The following MTHFD1L variants were observed in gnomAD, a reference collection of about 807,000 sequenced individuals.
MTHFD1L encodes the protein monofunctional C1-tetrahydrofolate synthase, mitochondrial.
Under a neutral mutation model 119.5 loss-of-function variants are expected in MTHFD1L, and 81 were observed. The observed-to-expected ratio is 0.68, with a 90% CI of 0.57 to 0.82. The LOEUF (loss-of-function observed/expected upper bound fraction) is 0.82, where lower values mean the gene tolerates loss of function less well. MTHFD1L is among the 40% of genes least tolerant of loss of function. MTHFD1L has a pLI of 0.00. For synonymous variants in MTHFD1L, 430 were observed against 475.2 expected, an observed-to-expected ratio of 0.90 and a Z score of 1.24; for missense variants, 1,125 against 1,253.4, an observed-to-expected ratio of 0.90 and a Z score of 1.55.
intron 26 of MTHFD1L, among the ~76,000 whole-genome samples, chr6:151,066,437 CAAAAAAAAAAAAA>C (rs35065800): frequency 9.9e-5 from 5 of 50,686 alleles, no homozygotes; most frequent in African/African-American, 3.0e-4. Flanking sequence ...GACTCCATCT[CAAAAAAAAAAAAA>C]AAAAAAAAAA....
chr6:150,867,314 C>A (rs1474398935), intron 1 of MTHFD1L, among the ~76,000 whole-genome samples: 1 of 152,176 alleles, frequency 6.6e-6, no homozygotes, highest in Non-Finnish European at 1.5e-5. Context: ...GCCTTAGCCT[C>A]CAGTGTAACT....
intron 26 of MTHFD1L, among the ~76,000 whole-genome samples, chr6:151,083,398 A>G (rs1793413995): frequency 6.6e-6 from 1 of 152,088 alleles, no homozygotes; most frequent in Admixed American, 6.6e-5. Context: ...GAGTTTCACC[A>G]TGTTGGCCAG....
At position 151,013,061 on chromosome 6, in the gene MTHFD1L, A is replaced by G. The variant is rs367856744; in HGVS notation, c.2266-718A>G. Among the ~76,000 whole-genome samples the G allele has an allele frequency of 1.2e-4, 19 of 152,336 alleles. 2 individuals are homozygous for G. In the East Asian group the frequency reaches 1.7e-3, roughly 14 times the overall value. ...TGTTTGAACAAATACTGGACACCCT[A>G]TGGCCCCAGCAAAGTTGACACATAA... On this transcript the variant is annotated intron_variant, in intron 21 of 27. Transcript: ENST00000367321.
chr6:151,093,863 G>C (rs1794668282), intron 27 of MTHFD1L, among the ~76,000 whole-genome samples: 1 of 152,158 alleles, frequency 6.6e-6, no homozygotes. Flanking sequence ...GCAGAAAGTA[G>C]GCCACTTGAT....
intron 7 of MTHFD1L, among the ~76,000 whole-genome samples, chr6:150,895,894 T>C (rs941620969): frequency 2.0e-5 from 3 of 152,174 alleles, no homozygotes; most frequent in Non-Finnish European, 2.9e-5. Flanking sequence ...AGTAATGTGC[T>C]ATGGTGACAG....
chr6:151,088,042 G>C (rs1428367605), intron 26 of MTHFD1L: 1 of 152,190 alleles, frequency 6.6e-6, no homozygotes, highest in African/African-American at 2.4e-5. Context: ...CCCAACGGCT[G>C]TCTGGGCTCC....
intron 9 of MTHFD1L, among the ~76,000 whole-genome samples, chr6:150,920,515 A>G (rs944952061): frequency 6.6e-6 from 1 of 152,168 alleles, no homozygotes; most frequent in Non-Finnish European, 1.5e-5. Flanking sequence ...TTTCCATCAA[A>G]GCCAAATTTT....
At chr6:150,930,809 A>G (rs1171522977) in intron 11 of MTHFD1L, among the ~76,000 whole-genome samples, 2 of 152,166 alleles carry the variant, frequency 1.3e-5, no homozygotes, top group Non-Finnish European at 2.9e-5. Context: ...TAAATCTTCT[A>G]TTATTAATAA....
intron 26 of MTHFD1L, among the ~76,000 whole-genome samples, chr6:151,078,724 G>T (rs889705460): frequency 6.6e-6 from 1 of 152,076 alleles, no homozygotes; most frequent in African/African-American, 2.4e-5. Flanking sequence ...GCCAGCAGGG[G>T]GGATGGGTTT....
chr6:151,066,853 G>A (rs530936447), intron 26 of MTHFD1L, among the ~76,000 whole-genome samples: 6 of 152,130 alleles, frequency 3.9e-5, no homozygotes, highest in Admixed American at 6.5e-5. Context: ...TCCCAACCTG[G>A]GTCCTGTCAA....
chr6:151,020,513 A>G (rs1005697813), intron 24 of MTHFD1L, among the ~76,000 whole-genome samples: 9 of 152,216 alleles, frequency 5.9e-5, no homozygotes, highest in Non-Finnish European at 4.4e-5. Flanking sequence ...TGCCAGAGTA[A>G]CTTCTAACTC....
In MTHFD1L at chr6:151,014,916, C is replaced by A; in HGVS notation, c.2344C>A (p.Gln782Lys). Residue 782 changes from glutamine (Q) to lysine (K), a missense_variant, in exon 23 of 28, where the codon CAG becomes AAG. Coordinates refer to ENST00000367321, the MANE Select transcript of MTHFD1L (RefSeq NM_015440.5). ...QLVADGCCNL[Q>K]KQIQITQLFG... ...GGTGGCAGACGGCTGCTGTAACCTC[C>A]AGAAGCAAATTCAGATCACTCAGCT... The A allele has an allele frequency of 6.2e-7, 1 of 1,614,132 alleles. No homozygotes were observed. The highest frequency in any genetic ancestry group is 1.3e-5 in the African/African-American group (1 of 75,030).
rs534223671 is a variant in MTHFD1L at position 150,925,465 on chromosome 6, C to T, written c.1083-657C>T. Among the ~76,000 whole-genome samples the T allele has an allele frequency of 6.6e-5, 10 of 152,220 alleles. No individual in the cohort carries two copies. The East Asian group carries it at 1.4e-3, about 21-fold the overall frequency. On this transcript the variant is annotated intron_variant, in intron 10 of 27. Coordinates refer to ENST00000367321, the MANE Select transcript of MTHFD1L (RefSeq NM_015440.5). Reference sequence around the variant, plus strand: ...CCAGTAAAATAGAAGAGTTCAGTTACGTGCCCAATGACTCTCTGGAGTTCC... The same window carrying T: ...CCAGTAAAATAGAAGAGTTCAGTTATGTGCCCAATGACTCTCTGGAGTTCC...
intron 15 of MTHFD1L, among the ~76,000 whole-genome samples, chr6:150,948,128 C>G (rs969917749): frequency 6.6e-6 from 1 of 151,898 alleles, no homozygotes; most frequent in African/African-American, 2.4e-5. Context: ...CTGCCTCAGC[C>G]TCCCAAGTAG....
chr6:150,883,257 T>A (rs926516564), intron 5 of MTHFD1L, among the ~76,000 whole-genome samples: 1 of 152,146 alleles, frequency 6.6e-6, no homozygotes, highest in African/African-American at 2.4e-5. Flanking sequence ...GGTGTCTATC[T>A]CCTGACCTTG....
At chr6:150,964,334 C>T (rs1796889383) in intron 18 of MTHFD1L, among the ~76,000 whole-genome samples, 1 of 152,126 alleles carries the variant, frequency 6.6e-6, no homozygotes, top group South Asian at 2.1e-4. Flanking sequence ...GGAACTCAAC[C>T]CAGTACTTCC....
intron 1 of MTHFD1L, among the ~76,000 whole-genome samples, chr6:150,875,840 A>G (rs1273821627): frequency 6.6e-6 from 1 of 152,146 alleles, no homozygotes; most frequent in African/African-American, 2.4e-5. Context: ...CCCCTAGAAA[A>G]TTATTGTAAA....
At chr6:150,911,621 A>G (rs1457163140) in intron 8 of MTHFD1L, among the ~76,000 whole-genome samples, 1 of 152,160 alleles carries the variant, frequency 6.6e-6, no homozygotes, top group Non-Finnish European at 1.5e-5. Flanking sequence ...CATATATCTT[A>G]CATGGCCAGA....
At chr6:150,972,263 T>G (rs191544491) in intron 20 of MTHFD1L, among the ~76,000 whole-genome samples, 6 of 152,252 alleles carry the variant, frequency 3.9e-5, no homozygotes, top group Admixed American at 2.6e-4. Flanking sequence ...GAGTCTGGTA[T>G]CAAGTACATA....
Sources: allele counts gnomAD v4.1 joint callset (sites outside exome capture counted in the v4.1 genomes callset), GRCh38; gene constraint gnomAD v4.1.1; transcripts MANE v1.5; gene names NCBI Gene and HGNC (gene_info 2026-07-23, HGNC 2026-07-21).